Variants in C19orf44 observed in about 807,000 individuals in gnomAD.
C19orf44 encodes uncharacterized protein C19orf44.
Under a neutral mutation model 50.7 loss-of-function variants are expected in C19orf44, and 43 were observed. The ratio of observed to expected loss-of-function variants is 0.85; its 90% CI spans 0.66 to 1.09. The LOEUF is 1.09. C19orf44 is among the 50% of genes least tolerant of loss of function. The probability of loss-of-function intolerance (pLI) is 0.00; values close to 1 mark genes in which losing one functional copy is unlikely to be tolerated. For synonymous variants in C19orf44, 298 were observed against 334.7 expected (o/e 0.89, Z 1.20); for missense variants, 722 against 836.2 (o/e 0.86, Z 1.68).
At chr19:16,500,379 G>A (rs2093421604) in intron 1 of C19orf44, among the ~76,000 whole-genome samples, 1 of 148,780 alleles carries the variant, frequency 6.7e-6, no homozygotes, top group African/African-American at 2.5e-5. Flanking sequence ...TTTAGACAGG[G>A]TTTCACTCTG....
rs1177987810 is a variant in C19orf44 at position 16,509,828 on chromosome 19, A to C, written c.1479A>C (p.Arg493Ser). Residue 493 changes from arginine (R) to serine (S), a missense_variant, in exon 5 of 9, where the codon AGA (arginine) becomes AGC (serine). Transcript: ENST00000221671. ...PTAHSKESLD[R>S]TLDALSESSS... Reference sequence around the variant, plus strand: ...CCCATTCCAAGGAGTCTCTTGACAGAACACTGGACGCTTTGTCTGAATCCT... The same window carrying C: ...CCCATTCCAAGGAGTCTCTTGACAGCACACTGGACGCTTTGTCTGAATCCT... 5 of 1,614,128 alleles carry C rather than the reference A, an allele frequency of 3.1e-6. No homozygotes were observed. In the African/African-American group the frequency reaches 6.7e-5, roughly 22 times the overall value.
rs552040882 is a variant in C19orf44, at chr19:16,520,604, C to T, written c.*551C>T. 109 of 1,405,650 alleles carry T rather than the reference C, an allele frequency of 7.8e-5. No individual in the cohort carries two copies. The African/African-American group carries it at 1.2e-3, about 16-fold the overall frequency. 87.1% of individuals were successfully genotyped at this position (1,405,650 alleles called of 1,614,324 possible). A position where few individuals can be genotyped will look rare whatever the true frequency, so the allele number is the denominator to read the frequency against. On this transcript the variant is annotated 3_prime_UTR_variant, in exon 9 of 9. Coordinates refer to ENST00000221671, the MANE Select transcript of C19orf44 (RefSeq NM_032207.4). This position sits in a 1 kb window ranked among gnomAD's most constrained non-coding sequence, Gnocchi z 4.0. ...TCCTAGACCACCCCAGATGCAGGGG[C>T]TCTGGCTGTGGATGTGGCGCCATAG...
At chr19:16,502,949 T>C in intron 2 of C19orf44, 116 bp from the exon 3 acceptor site, 1 of 931,684 alleles carries the variant, frequency 1.1e-6, no homozygotes, top group Non-Finnish European at 1.6e-6. Context: ...ATTGAGCCAC[T>C]GCCCTCCAGC....
chr19:16,515,196 T>C (rs1324538445), intron 7 of C19orf44, among the ~76,000 whole-genome samples: 2 of 152,124 alleles, frequency 1.3e-5, no homozygotes, highest in South Asian at 2.1e-4. Flanking sequence ...GCCCCATCTC[T>C]ACTAAAAATA....
intron 3 of C19orf44, among the ~76,000 whole-genome samples, chr19:16,503,945 A>C (rs2093432873): frequency 6.6e-6 from 1 of 152,162 alleles, no homozygotes; most frequent in South Asian, 2.1e-4. Context: ...CTGCAATCCC[A>C]GTGCTTTGGA....
At chr19:16,505,107 G>A (rs1388042117) in intron 3 of C19orf44, among the ~76,000 whole-genome samples, 1 of 151,980 alleles carries the variant, frequency 6.6e-6, no homozygotes, top group Admixed American at 6.6e-5. Flanking sequence ...GTGAGCCACC[G>A]TACCTGGTGG....
Position 16,521,114 on chromosome 19 carries a change from A to G in C19orf44, c.*1061A>G, listed in dbSNP as rs1399064884. 1 of 612,360 alleles carries G rather than the reference A, an allele frequency of 1.6e-6. No individual in the cohort carries two copies. The highest frequency in any genetic ancestry group is 1.8e-5 in the African/African-American group (1 of 54,428). The allele number at this position is 612,360 out of a possible 1,614,324, so 37.9% of individuals were successfully genotyped here. On this transcript the variant is annotated 3_prime_UTR_variant, in exon 9 of 9. Transcript: ENST00000221671. ...CAGCCCAGTGGCTCCTCTGGTGCCC[A>G]CGCCCTTGCCACCCTGCTGTTCCGC...
In C19orf44 at chr19:16,503,236, A is replaced by C. The variant is rs1326212292; in HGVS notation, c.931A>C (p.Thr311Pro). 1 of 1,613,838 alleles carries C rather than the reference A, an allele frequency of 6.2e-7. No homozygotes were observed. Among genetic ancestry groups the C allele is most frequent in the African/African-American group, 1.3e-5 (1 of 74,834 alleles). ...SHVSSDTASH[T>P]PSVSITGAFS... ...CGTTTCCAGTGACACCGCCTCCCAC[A>C]CGCCGTCAGTTTCCATCACAGGCGC... Residue 311 changes from threonine (T) to proline (P), a missense_variant, in exon 3 of 9, where the codon ACG becomes CCG. Coordinates refer to ENST00000221671, the MANE Select transcript of C19orf44 (RefSeq NM_032207.4).
chr19:16,498,005 G>A (rs189440777), intron 1 of C19orf44, among the ~76,000 whole-genome samples: 4 of 152,218 alleles, frequency 2.6e-5, no homozygotes, highest in African/African-American at 9.6e-5. Context: ...TACCCAGGAA[G>A]CTGAGGTGGG....
At chr19:16,514,471 C>A in intron 6 of C19orf44, 26 bp from the exon 7 acceptor site, 1 of 1,563,022 alleles carries the variant, frequency 6.4e-7, no homozygotes. Flanking sequence ...CCAGCGAAGC[C>A]ACCGAGTAAC....
chr19:16,518,053 T>C (rs1011861667), intron 8 of C19orf44: 3 of 152,244 alleles, frequency 2.0e-5, no homozygotes, highest in South Asian at 2.1e-4. Flanking sequence ...GGTTGAAAAG[T>C]TGGAAGATTT....
chr19:16,515,754 G>A (rs531808178), intron 7 of C19orf44, among the ~76,000 whole-genome samples: 7 of 151,540 alleles, frequency 4.6e-5, no homozygotes, highest in South Asian at 2.1e-4. Flanking sequence ...TTATAGAAAT[G>A]GCATTATACT....
chr19:16,504,965 CCCA>C (rs1425556810), intron 3 of C19orf44, among the ~76,000 whole-genome samples: 3 of 151,604 alleles, frequency 2.0e-5, no homozygotes, highest in Non-Finnish European at 4.4e-5. Flanking sequence ...ACTACAGGTG[CCCA>C]CCACCACGCC....
rs2093409426 is a variant in C19orf44, at chr19:16,496,463, G to A, written c.-4G>A. 10 of 349,456 alleles carry A rather than the reference G, an allele frequency of 2.9e-5. No homozygotes were observed. Among genetic ancestry groups the A allele is most frequent in the Admixed American group, 1.3e-4 (3 of 23,490 alleles). 21.6% of individuals were successfully genotyped at this position (349,456 alleles called of 1,614,324 possible). ...CCTCTGCGAATGGACGGCGTGGGAA[G>A]AGGTCGGCAGGGCTGGTGGGGAGGT... On this transcript the variant is annotated splice_region_variant and 5_prime_UTR_variant, in exon 1 of 9. Transcript: ENST00000221671.
In C19orf44 at chr19:16,506,730, G is replaced by A. The variant is rs999432590; in HGVS notation, c.1105G>A (p.Gly369Ser). ...EFRINILSLD[G>S]LAPAVSENSD... is the part of the protein sequence containing the mutation. ...TAGAATAAATATTTTATCGCTTGAC[G>A]GTCTGGCTCCAGCTGTCAGTGAGAA... Residue 369 changes from glycine (G) to serine (S), a missense_variant, in exon 4 of 9, where the codon GGT becomes AGT. Coordinates refer to ENST00000221671, the MANE Select transcript of C19orf44 (RefSeq NM_032207.4). 6.2e-6 allele frequency: 10 copies of A among 1,604,704 alleles called. No individual in the cohort carries two copies. The highest frequency in any genetic ancestry group is 5.4e-5 in the African/African-American group (4 of 74,496).
rs946575340 is a variant in C19orf44 at position 16,496,430 on chromosome 19, G to A, written c.-37G>A. On this transcript the variant is annotated 5_prime_UTR_variant, in exon 1 of 9. The change creates a premature stop within an existing upstream ORF in the 5' untranslated region. Coordinates refer to ENST00000221671, the MANE Select transcript of C19orf44 (RefSeq NM_032207.4). ...CAACCGCTCCTTCAGGCGTGAATGT[G>A]GCGGCTGCCTCTGCGAATGGACGGC... The A allele has an allele frequency of 1.0e-5, 4 of 399,182 alleles. No homozygotes were observed. The highest frequency in any genetic ancestry group is 4.0e-5 in the Admixed American group (1 of 25,080). 24.7% of individuals were successfully genotyped at this position (399,182 alleles called of 1,614,324 possible).
intron 6 of C19orf44, 66 bp from the exon 7 acceptor site, chr19:16,514,431 T>TGG (rs377427270): frequency 6.9e-4 from 721 of 1,049,428 alleles, no homozygotes; most frequent in African/African-American, 1.1e-3. Flanking sequence ...ACCTGAGCGG[T>TGG]GGGGGGGGGG....
In C19orf44 at chr19:16,520,765, C is replaced by G. The variant is rs1283744519; in HGVS notation, c.*712C>G. The G allele has an allele frequency of 2.7e-6, 4 of 1,498,116 alleles. No individual in the cohort carries two copies. The highest frequency in any genetic ancestry group is 2.8e-6 in the Non-Finnish European group (3 of 1,078,280). 92.8% of individuals were successfully genotyped at this position (1,498,116 alleles called of 1,614,324 possible). A position where few individuals can be genotyped will look rare whatever the true frequency, so the allele number is the denominator to read the frequency against. On this transcript the variant is annotated 3_prime_UTR_variant, in exon 9 of 9. Coordinates refer to ENST00000221671, the MANE Select transcript of C19orf44 (RefSeq NM_032207.4). The surrounding 1 kb of genome is among the most constrained non-coding windows in gnomAD (Gnocchi z 4.0). Reference sequence around the variant, plus strand: ...GTGATGAGTGTATCTGGGGTCTGCTCCCACCCATCACAAGCTGTGGACCCT... The same window carrying G: ...GTGATGAGTGTATCTGGGGTCTGCTGCCACCCATCACAAGCTGTGGACCCT...
intron 3 of C19orf44, among the ~76,000 whole-genome samples, chr19:16,504,794 C>T (rs965423405): frequency 9.4e-5 from 14 of 149,564 alleles, no homozygotes; most frequent in African/African-American, 3.2e-4. Context: ...GGAGACGGGA[C>T]GGGGTTTCAC....
Sources: gnomAD v4.1 joint callset for allele counts (sites outside exome capture counted in the v4.1 genomes callset) on GRCh38, gnomAD v4.1.1 for gene constraint, Gnocchi (gnomAD v3.1) non-coding constraint, MANE v1.5 for transcripts, NCBI Gene and HGNC (gene_info 2026-07-23, HGNC 2026-07-21) for gene names.